The following DDX3X variants were observed in gnomAD, a reference collection of about 807,000 sequenced individuals.
The protein encoded by DDX3X is ATP-dependent RNA helicase DDX3X.
In DDX3X, 4 loss-of-function variants were observed where a neutral mutation model predicts 52.7. The ratio of observed to expected loss-of-function variants is 0.08; its 90% CI spans 0.04 to 0.17. The LOEUF (loss-of-function observed/expected upper bound fraction) is 0.17. Among genes scored for constraint, DDX3X ranks in the 10% least tolerant of loss-of-function variants. The pLI, the probability that DDX3X is intolerant of heterozygous loss-of-function variation, is 1.00. For missense variants in DDX3X, 222 were observed against 548.6 expected, an observed-to-expected ratio of 0.40 and a Z score of 5.95; for synonymous variants, 192 against 178.1, an observed-to-expected ratio of 1.08 and a Z score of -0.62.
At chrX:41,334,664 G>A (rs1194544248) in intron 1 of DDX3X, 1 of 1,046,015 alleles carries the variant, frequency 9.6e-7, no homozygotes, top group East Asian at 4.9e-5. Context: ...GACGCGACTG[G>A]AGGCCCTTTT....
chrX:41,338,158 G>A (rs2063797716), intron 2 of DDX3X: 2 of 110,336 alleles, frequency 1.8e-5, no homozygotes, highest in South Asian at 7.8e-4. Flanking sequence ...GTTAAGATAG[G>A]GGATCTTGGT....
chrX:41,342,690 C>G, intron 5 of DDX3X, 37 bp downstream of exon 5: 2 of 1,209,140 alleles, frequency 1.7e-6, no homozygotes, highest in Non-Finnish European at 2.2e-6. Flanking sequence ...GTGATGAAGC[C>G]TTACTAGCTA....
At chrX:41,344,549 T>A (rs1200457243) in intron 10 of DDX3X, 150 bp downstream of exon 10, 2 of 643,829 alleles carry the variant, frequency 3.1e-6, no homozygotes, top group Non-Finnish European at 4.9e-6. Flanking sequence ...GCGATTCTCC[T>A]GCCTCAGCCT....
Position 41,341,588 on chromosome X carries a change from A to G in DDX3X, c.256A>G (p.Ser86Gly). The G allele has an allele frequency of 8.3e-7, 1 of 1,211,143 alleles. No individual in the cohort carries two copies. Among genetic ancestry groups the G allele is most frequent in the Non-Finnish European group, 1.1e-6 (1 of 894,863 alleles). The change falls in exon 4 of 17, where the codon AGT (serine) becomes GGT (glycine). Residue 86 changes from serine (S) to glycine (G), a missense_variant. This residue lies in a region of DDX3X where 93 missense variants were observed against 123.7 expected (regional missense o/e 0.75). Transcript: ENST00000644876. Reference protein sequence around the residue: ...SDSRGKSSFFSDRGSGSRGRF... With the variant: ...SDSRGKSSFFGDRGSGSRGRF... ...TTCAAGAGGGAAGTCTAGCTTCTTC[A>G]GTGATCGTGGAAGTGGATCAAGGGG...
At chrX:41,345,801 C>CT (rs1430796524) in intron 12 of DDX3X, 4 of 312,167 alleles carry the variant, frequency 1.3e-5, no homozygotes, top group Non-Finnish European at 2.2e-5. Context: ...CAGCCCAGAA[C>CT]TCCTAGACTT....
chrX:41,336,025 G>T (rs1224905304), intron 1 of DDX3X: 1 of 112,242 alleles, frequency 8.9e-6, no homozygotes, highest in Non-Finnish European at 1.9e-5. Context: ...AGAAATTCTG[G>T]AAATTAGGTG....
At chrX:41,356,239 A>C (rs1345599559) in intron 5 of DDX3X, among the ~76,000 whole-genome samples, 1 of 104,210 alleles carries the variant, frequency 9.6e-6, no homozygotes, top group Non-Finnish European at 1.9e-5. Flanking sequence ...TCCCAGGTTC[A>C]AGCCATTCTC....
chrX:41,334,963 C>T (rs1242375879), intron 1 of DDX3X: 4 of 179,381 alleles, frequency 2.2e-5, no homozygotes, highest in African/African-American at 3.2e-5. Flanking sequence ...GGCTTTTTCG[C>T]TTCAGCCCAG....
upstream of DDX3X, chrX:41,333,923 A>C (rs1602109797): frequency 9.6e-6 from 2 of 208,715 alleles, no homozygotes; most frequent in African/African-American, 2.9e-5. Context: ...GAGCACGGGA[A>C]GTGTAGCTCG....
intron 2 of DDX3X, 45 bp from the exon 3 acceptor site, chrX:41,338,991 T>C (rs780759296): frequency 3.3e-6 from 2 of 610,507 alleles, no homozygotes; most frequent in Non-Finnish European, 4.4e-6. Context: ...AATGGGAAGG[T>C]TTTTTGGCAT....
intron 5 of DDX3X, among the ~76,000 whole-genome samples, chrX:41,360,656 T>C (rs752210609): frequency 9.1e-6 from 1 of 110,292 alleles, no homozygotes; most frequent in Admixed American, 9.7e-5. Flanking sequence ...TTGGCCAGGC[T>C]GGTCTTGCAC....
rs5963957 is a variant in DDX3X at position 41,349,057 on chromosome X, A to C, written c.*1338A>C. On this transcript the variant is annotated 3_prime_UTR_variant, in exon 17 of 17. Transcript: ENST00000644876. Reference sequence around the variant, plus strand: ...CTCTGCCACTTTGAATTCTGTGCTAATTTTGTGGCCAGAATGCGGTGATCA... The same window carrying C: ...CTCTGCCACTTTGAATTCTGTGCTACTTTTGTGGCCAGAATGCGGTGATCA... 24,205 of 111,426 alleles carry C rather than the reference A, an allele frequency of 0.22. 2,298 individuals are homozygous for C. The highest frequency in any genetic ancestry group is 0.47 in the South Asian group (1,235 of 2,643). The allele number at this position is 111,426 out of a possible 1,213,427, so 9.2% of individuals were successfully genotyped here.
At position 41,346,665 on chromosome X, in the gene DDX3X, G is replaced by C. The variant is rs758818409; in HGVS notation, c.1615+43G>C. On this transcript the variant is annotated intron_variant, in intron 14 of 16. Coordinates refer to ENST00000644876, the MANE Select transcript of DDX3X (RefSeq NM_001356.5). ...TGATGGTTTCATTGTTTTTTGCTGT[G>C]ATGTGTGCAGGAAAGAACTTGCTAG... The C allele has an allele frequency of 4.6e-5, 48 of 1,050,679 alleles. No individual in the cohort carries two copies. In the South Asian group the frequency reaches 9.1e-4, roughly 20 times the overall value. 86.6% of individuals were successfully genotyped at this position (1,050,679 alleles called of 1,213,427 possible).
chrX:41,334,329 C>T, intron 1 of DDX3X, 32 bp downstream of exon 1: 1 of 1,205,084 alleles, frequency 8.3e-7, no homozygotes, highest in East Asian at 3.0e-5. Context: ...GGGCTGGCTG[C>T]TGCGTGAATT....
intron 12 of DDX3X, chrX:41,346,012 A>G (rs2063918155): frequency 2.5e-6 from 1 of 401,748 alleles, no homozygotes; most frequent in Non-Finnish European, 4.3e-6. Context: ...TGGCCAGTGC[A>G]CTCTCAGCCT....
downstream of DDX3X, chrX:41,350,544 G>C (rs1448558875): frequency 9.0e-6 from 1 of 111,616 alleles, no homozygotes; most frequent in Non-Finnish European, 1.9e-5. Context: ...AAGGATGGTT[G>C]AACAGTGGAA....
chrX:41,341,145 C>T (rs1602126241), intron 3 of DDX3X: 1 of 159,867 alleles, frequency 6.3e-6, no homozygotes, highest in Non-Finnish European at 1.2e-5. Context: ...GCCACCACGC[C>T]TGGCTAATAT....
At chrX:41,334,605 C>A in intron 1 of DDX3X, 1 of 1,088,581 alleles carries the variant, frequency 9.2e-7, no homozygotes, top group Non-Finnish European at 1.2e-6. Flanking sequence ...GCGCGAATCC[C>A]GACTGATTAG....
intron 12 of DDX3X, 111 bp downstream of exon 12, chrX:41,345,659 G>A (rs2063913768): frequency 3.0e-6 from 2 of 675,927 alleles, no homozygotes; most frequent in African/African-American, 2.2e-5. Flanking sequence ...CAGCATGGGA[G>A]TATTTGACCT....
Sources: allele counts gnomAD v4.1 joint callset (sites outside exome capture counted in the v4.1 genomes callset), GRCh38; gene constraint gnomAD v4.1.1; regional missense constraint gnomAD v4.1.1; transcripts MANE v1.5; gene names NCBI Gene and HGNC (gene_info 2026-07-23, HGNC 2026-07-21).